The following METTL15 variants were observed in gnomAD, a reference collection of about 807,000 sequenced individuals.
METTL15 encodes 12S rRNA N(4)-cytidine methyltransferase METTL15.
METTL15 carries 34 observed loss-of-function variants against 38.3 expected under a neutral mutation model. The observed-to-expected ratio is 0.89, with a 90% confidence interval of 0.68 to 1.18. The LOEUF (loss-of-function observed/expected upper bound fraction) is 1.18. Ranked by LOEUF, METTL15 falls within the 50% of genes most tolerant of loss-of-function variation. The pLI is 0.00. For missense variants in METTL15, 438 were observed against 498.4 expected (o/e 0.88, Z 1.15); for synonymous variants, 162 against 170.9 (o/e 0.95, Z 0.41).
chr11:28,122,367 G>A (rs1852286974), intron 3 of METTL15, among the ~76,000 whole-genome samples: 1 of 59,626 alleles, frequency 1.7e-5, no homozygotes, highest in South Asian at 4.2e-4. Context: ...GTGTGTGTGT[G>A]TGTGTATATA....
At chr11:28,134,558 C>G (rs775401008) in intron 3 of METTL15, 1 of 398,384 alleles carries the variant, frequency 2.5e-6, no homozygotes, top group Non-Finnish European at 4.4e-6. Context: ...ACTGCTGTTG[C>G]GAAAAAGTGG....
chr11:28,330,244 AAG>A (rs900481543), intron 6 of METTL15, among the ~76,000 whole-genome samples, 150 bp from the exon 7 acceptor site: 33 of 152,350 alleles, frequency 2.2e-4, no homozygotes, highest in African/African-American at 7.7e-4. Flanking sequence ...GTTTGGGAAT[AAG>A]AGGGGGAAGT....
chr11:28,312,745 A>G (rs1857349102), intron 6 of METTL15, among the ~76,000 whole-genome samples: 1 of 152,162 alleles, frequency 6.6e-6, no homozygotes, highest in African/African-American at 2.4e-5. Context: ...GAAAGGCAGA[A>G]GGTCAAAAGA....
At chr11:28,442,511 A>G (rs1035609967) in intron 6 of METTL15, among the ~76,000 whole-genome samples, 1 of 152,210 alleles carries the variant, frequency 6.6e-6, no homozygotes, top group African/African-American at 2.4e-5. Flanking sequence ...ACGTATACAC[A>G]GAATTTAGCC....
At chr11:28,422,879 A>G (rs183070247) in intron 5 of METTL15, among the ~76,000 whole-genome samples, 1 of 152,048 alleles carries the variant, frequency 6.6e-6, no homozygotes, top group Non-Finnish European at 1.5e-5. Context: ...TCTTCATAGC[A>G]AAGGAAACAA....
intron 3 of METTL15, among the ~76,000 whole-genome samples, chr11:28,189,486 GT>G (rs143572740): frequency 4.0e-5 from 6 of 150,544 alleles, no homozygotes; most frequent in East Asian, 1.9e-4. Context: ...GAATAATGTA[GT>G]TTTTTTTTAT....
chr11:28,290,466 T>G, intron 5 of METTL15, 69 bp downstream of exon 5: 2 of 1,453,506 alleles, frequency 1.4e-6, no homozygotes, highest in Non-Finnish European at 1.9e-6. Flanking sequence ...TGAATTTAAT[T>G]TTTTTAAGAC....
At chr11:28,239,338 T>C (rs1854182808) in intron 4 of METTL15, among the ~76,000 whole-genome samples, 3 of 152,222 alleles carry the variant, frequency 2.0e-5, no homozygotes. Context: ...ATTCTTTTAA[T>C]AATAAAAAAG....
chr11:28,376,757 A>T (rs1021851178), intron 5 of METTL15, among the ~76,000 whole-genome samples: 3 of 150,152 alleles, frequency 2.0e-5, no homozygotes, highest in African/African-American at 7.3e-5. Flanking sequence ...CGTAGTCTCG[A>T]TGGTCTTTAC....
chr11:28,392,361 C>T (rs1019752553), intron 5 of METTL15, among the ~76,000 whole-genome samples: 1 of 152,042 alleles, frequency 6.6e-6, no homozygotes, highest in Non-Finnish European at 1.5e-5. Context: ...GTAATTAAAA[C>T]AGTGTAGAAT....
At chr11:28,408,260 C>T (rs1299879745) in intron 5 of METTL15, among the ~76,000 whole-genome samples, 2 of 152,198 alleles carry the variant, frequency 1.3e-5, no homozygotes, top group South Asian at 2.1e-4. Flanking sequence ...CCATGACCCA[C>T]GTTTACCTAA....
intron 3 of METTL15, among the ~76,000 whole-genome samples, chr11:28,148,016 C>T (rs1849947667): frequency 6.6e-6 from 1 of 151,832 alleles, no homozygotes; most frequent in Non-Finnish European, 1.5e-5. Context: ...ACAGTTTTCT[C>T]TTCAGTCTTC....
At chr11:28,338,134 G>A (rs1323811360), downstream of METTL15, among the ~76,000 whole-genome samples, 1 of 149,210 alleles carries the variant, frequency 6.7e-6, no homozygotes, top group East Asian at 2.0e-4. Context: ...ACTTGCAACT[G>A]CAGTCTTTAA....
intron 4 of METTL15, among the ~76,000 whole-genome samples, chr11:28,258,453 CCTT>C (rs1230009408): frequency 6.6e-6 from 1 of 152,098 alleles, no homozygotes; most frequent in Non-Finnish European, 1.5e-5. Flanking sequence ...AGGCTTGTGT[CCTT>C]CTCTGCAGGA....
rs1302212620 is a variant in METTL15, at chr11:28,310,967, T to TGG, written c.778+14037_778+14038insGG. On this transcript the variant is annotated intron_variant, in intron 6 of 6. Coordinates refer to ENST00000407364, the MANE Select transcript of METTL15 (RefSeq NM_001113528.2). Reference sequence around the variant, plus strand: ...TGGTGGTGGTGGTGGTGGTGGTGGGTGTGTGTGTGTGTGTGTGTGTGTGTG... The same window carrying TGG: ...TGGTGGTGGTGGTGGTGGTGGTGGGTGGGTGTGTGTGTGTGTGTGTGTGTGTG... Among the ~76,000 whole-genome samples, 241 of 102,268 alleles carry TGG rather than the reference T, an allele frequency of 2.4e-3. 2 individuals carry two copies. The highest frequency in any genetic ancestry group is 8.2e-3 in the African/African-American group (172 of 20,930). 67.1% of individuals were successfully genotyped at this position (102,268 alleles called of 152,430 possible).
chr11:28,345,625 A>G (rs1415128800), intron 3 of METTL15, among the ~76,000 whole-genome samples: 1 of 152,236 alleles, frequency 6.6e-6, no homozygotes, highest in African/African-American at 2.4e-5. Context: ...CTGAACTGCA[A>G]TGCAGCAACC....
chr11:28,417,487 G>C (rs1043279765), intron 5 of METTL15, among the ~76,000 whole-genome samples: 7 of 152,176 alleles, frequency 4.6e-5, no homozygotes. Context: ...AAAAAGCTCA[G>C]ATTGTTAGAT....
chr11:28,271,602 A>G (rs1855642264), intron 4 of METTL15, among the ~76,000 whole-genome samples: 1 of 152,134 alleles, frequency 6.6e-6, no homozygotes, highest in South Asian at 2.1e-4. Context: ...CCACCGCAAG[A>G]TTGGATGCTA....
chr11:28,373,760 T>A (rs1420790813), intron 5 of METTL15, among the ~76,000 whole-genome samples: 1 of 152,206 alleles, frequency 6.6e-6, no homozygotes, highest in Non-Finnish European at 1.5e-5. Flanking sequence ...TCCTGAATGG[T>A]AATGCCTAGG....
Sources: gnomAD v4.1 joint callset for allele counts (sites outside exome capture counted in the v4.1 genomes callset) on GRCh38, gnomAD v4.1.1 for gene constraint, MANE v1.5 for transcripts, NCBI Gene and HGNC (gene_info 2026-07-23, HGNC 2026-07-21) for gene names.